SNX29: variants seen among roughly 807,000 people sequenced by gnomAD.
The protein encoded by SNX29 is sorting nexin 29.
Under a neutral mutation model 102.1 loss-of-function variants are expected in SNX29, and 78 were observed. The observed-to-expected ratio is 0.76, with a 90% CI of 0.64 to 0.92. SNX29 has a LOEUF of 0.92. Among genes scored for constraint, SNX29 ranks in the 40% least tolerant of loss-of-function variants. The pLI, the probability that SNX29 is intolerant of heterozygous loss-of-function variation, is 0.00. For synonymous variants in SNX29, 580 were observed against 414.5 expected (o/e 1.40, Z -4.85); for missense variants, 1,280 against 1,061.7 (o/e 1.21, Z -2.86).
intron 15 of SNX29, among the ~76,000 whole-genome samples, chr16:12,282,604 C>A (rs1412488082): frequency 6.6e-6 from 1 of 152,146 alleles, no homozygotes; most frequent in African/African-American, 2.4e-5. Context: ...AAATGTGAGT[C>A]CTAGAACCTC....
In SNX29 at chr16:12,570,904, G is replaced by C. The variant is rs545774920; in HGVS notation, c.*2275G>C. ...TACTGAATTATTCACAAAAAACCTG[G>C]TCTGCTCTCCAAAATGAGAGCATGT... On this transcript the variant is annotated 3_prime_UTR_variant, in exon 21 of 21. Transcript: ENST00000566228. 1.3e-5 allele frequency: 3 copies of C among 225,422 alleles called. No individual in the cohort carries two copies. The highest frequency in any genetic ancestry group is 3.9e-4 in the South Asian group (2 of 5,128). 14.0% of individuals were successfully genotyped at this position (225,422 alleles called of 1,614,324 possible).
chr16:12,044,457 G>A lies in SNX29; in HGVS notation c.428+1380G>A, dbSNP rs544441244. Among the ~76,000 whole-genome samples the A allele has an allele frequency of 3.3e-5, 5 of 152,300 alleles. No individual in the cohort carries two copies. In the South Asian group the frequency reaches 1.0e-3, roughly 32 times the overall value. ...ATGGGTCCAAAATGGGAGTGCTTGG[G>A]AACCAGGAGGACTGACACTGATGAC... On this transcript the variant is annotated intron_variant, in intron 5 of 20. Coordinates refer to ENST00000566228, the MANE Select transcript of SNX29 (RefSeq NM_032167.5).
At chr16:12,277,901 A>G (rs536103862) in intron 14 of SNX29, 32 bp from the exon 15 acceptor site, 1 of 1,559,144 alleles carries the variant, frequency 6.4e-7, no homozygotes, top group South Asian at 1.2e-5. Context: ...ATACTGTTGA[A>G]ATATTTATGA....
chr16:12,531,253 C>T (rs1398898317), intron 20 of SNX29, among the ~76,000 whole-genome samples: 1 of 152,220 alleles, frequency 6.6e-6, no homozygotes, highest in Admixed American at 6.5e-5. Flanking sequence ...GCACTTGGCC[C>T]TATGGTCAGG....
At chr16:12,191,573 C>A (rs1400639675) in intron 13 of SNX29, among the ~76,000 whole-genome samples, 1 of 152,120 alleles carries the variant, frequency 6.6e-6, no homozygotes, top group African/African-American at 2.4e-5. Flanking sequence ...CAAAAGTGTT[C>A]TGTAAAGGGC....
intron 18 of SNX29, among the ~76,000 whole-genome samples, chr16:12,415,053 A>G (rs558966459): frequency 1.3e-5 from 2 of 152,344 alleles, no homozygotes; most frequent in South Asian, 4.1e-4. Context: ...TCCTTTGAGA[A>G]GACAGCTAGG....
intron 15 of SNX29, among the ~76,000 whole-genome samples, chr16:12,317,729 T>C (rs570492089): frequency 2.0e-5 from 3 of 152,352 alleles, no homozygotes; most frequent in South Asian, 4.1e-4. Context: ...AGCTGTGAAA[T>C]GAGTGTAAAA....
chr16:11,983,709 A>C, intron 1 of SNX29: 1 of 985,382 alleles, frequency 1.0e-6, no homozygotes, highest in Non-Finnish European at 1.2e-6. Flanking sequence ...GCTTGACTCC[A>C]GGTAACTGAT....
intron 17 of SNX29, among the ~76,000 whole-genome samples, chr16:12,401,197 A>G (rs1226236178): frequency 6.6e-6 from 1 of 152,074 alleles, no homozygotes; most frequent in Non-Finnish European, 1.5e-5. Flanking sequence ...GAAGATTTGA[A>G]CAACATGAGA....
chr16:12,338,417 C>G (rs1293504131), intron 15 of SNX29, among the ~76,000 whole-genome samples: 1 of 152,142 alleles, frequency 6.6e-6, no homozygotes, highest in Non-Finnish European at 1.5e-5. Context: ...TGCCTTCCCC[C>G]CGGGAGGTAT....
intron 20 of SNX29, among the ~76,000 whole-genome samples, chr16:12,540,459 G>A (rs185735307): frequency 3.3e-4 from 51 of 152,336 alleles, no homozygotes; most frequent in Admixed American, 1.8e-3. Flanking sequence ...TCCGAGATCC[G>A]TCTTACTAGG....
chr16:12,140,943 C>T (rs192769986), intron 13 of SNX29, among the ~76,000 whole-genome samples: 1 of 152,270 alleles, frequency 6.6e-6, no homozygotes, highest in African/African-American at 2.4e-5. Context: ...TTTAAAAAAT[C>T]AGTATAACAC....
At chr16:12,363,694 A>G (rs1454122758) in intron 16 of SNX29, among the ~76,000 whole-genome samples, 1 of 152,204 alleles carries the variant, frequency 6.6e-6, no homozygotes, top group Non-Finnish European at 1.5e-5. Flanking sequence ...GCATAGACCA[A>G]ATGATAATTC....
intron 10 of SNX29, among the ~76,000 whole-genome samples, chr16:12,073,613 G>A (rs577557146): frequency 6.6e-6 from 1 of 152,322 alleles, no homozygotes; most frequent in African/African-American, 2.4e-5. Context: ...TGGAATAGAT[G>A]TGGTGTGGTG....
At chr16:12,519,034 C>T (rs1169144812) in intron 19 of SNX29, among the ~76,000 whole-genome samples, 2 of 152,190 alleles carry the variant, frequency 1.3e-5, no homozygotes, top group Non-Finnish European at 2.9e-5. Flanking sequence ...GGACGGGGAG[C>T]AGGCTGTCCT....
chr16:12,242,633 T>TC (rs1358717224), intron 14 of SNX29, among the ~76,000 whole-genome samples: 5 of 151,480 alleles, frequency 3.3e-5, no homozygotes, highest in African/African-American at 1.2e-4. Flanking sequence ...CTTCTTCTCT[T>TC]CTTCTTTTCT....
chr16:12,472,518 CA>C (rs1380014947), intron 18 of SNX29, among the ~76,000 whole-genome samples: 4 of 23,332 alleles, frequency 1.7e-4, no homozygotes, highest in Non-Finnish European at 2.4e-4. Flanking sequence ...GTCTAAATCT[CA>C]AAAAAAAACC....
intron 15 of SNX29, among the ~76,000 whole-genome samples, chr16:12,327,755 T>C (rs2081165159): frequency 6.6e-6 from 1 of 151,972 alleles, no homozygotes; most frequent in Non-Finnish European, 1.5e-5. Flanking sequence ...AAACCAGAAG[T>C]CAGGCTGTTG....
chr16:12,364,416 C>CTTCTTTTTTTTTTTTTTTTTTTTT (rs1555520124), intron 16 of SNX29, among the ~76,000 whole-genome samples: 1 of 98,792 alleles, frequency 1.0e-5, no homozygotes, highest in African/African-American at 3.3e-5. Flanking sequence ...CTCTCTTCTT[C>CTTCTTTTTTTTTTTTTTTTTTTTT]TTTTTTTTTT....
Sources: allele counts gnomAD v4.1 joint callset (sites outside exome capture counted in the v4.1 genomes callset), GRCh38; gene constraint gnomAD v4.1.1; transcripts MANE v1.5; gene names NCBI Gene and HGNC (gene_info 2026-07-23, HGNC 2026-07-21).